The following GC variants were observed in gnomAD, a reference collection of about 807,000 sequenced individuals.
GC encodes the protein GC vitamin D binding protein.
A neutral mutation model predicts 56.7 loss-of-function variants in GC; 43 were observed. That is an observed-to-expected ratio of 0.76 (90% CI 0.59 to 0.98). The LOEUF is 0.98. Ranked by LOEUF, GC falls within the 50% of genes least tolerant of loss-of-function variation. GC has a pLI of 0.00. For missense variants in GC, 529 were observed against 545.9 expected (o/e 0.97, Z 0.31); for synonymous variants, 216 against 202.7 (o/e 1.07, Z -0.56).
In GC at chr4:71,763,917, T is replaced by G; in HGVS notation, c.493A>C (p.Thr165Pro). Residue 165 changes from threonine (T) to proline (P), a missense_variant, in exon 5 of 13, where the codon ACT becomes CCT. Physicochemically the swap from Thr to Pro is conservative, Grantham distance 38. Coordinates refer to ENST00000273951, the MANE Select transcript of GC (RefSeq NM_000583.4). The stretch of plus-strand genomic sequence containing the variant: ...GACAGAGGAGCTTGTCCGTAATTAG[T>G]GGAATATTCCCACATAAATCTGTGG... ...YANQFMWEYS[T>P]NYGQAPLSLL... is the part of the protein sequence containing the mutation. The G allele has an allele frequency of 6.2e-7, 1 of 1,611,420 alleles. No homozygotes were observed. Among genetic ancestry groups the G allele is most frequent in the East Asian group, 2.2e-5 (1 of 44,864 alleles).
Position 71,798,190 on chromosome 4 carries a change from G to A in GC, c.21+5736C>T, listed in dbSNP as rs150251593. Among the ~76,000 whole-genome samples, 516 of 152,264 alleles carry A rather than the reference G, an allele frequency of 3.4e-3. 1 individual carries two copies. The highest frequency in any genetic ancestry group is 0.012 in the African/African-American group (484 of 41,560). On this transcript the variant is annotated intron_variant, in intron 1 of 13. Coordinates refer to the GC transcript ENST00000504199. ...TTATAGTTCCTATTTTGCTGCTGAT[G>A]TTCCCTATCTATTCACTTGACTATA...
chr4:71,757,982 C>T, intron 7 of GC, 60 bp downstream of exon 7: 2 of 1,453,902 alleles, frequency 1.4e-6, no homozygotes, highest in Non-Finnish European at 1.9e-6. Flanking sequence ...GTACCTGCCA[C>T]TCAGTACTTG....
chr4:71,775,846 C>A (rs1424379654), intron 1 of GC, among the ~76,000 whole-genome samples: 1 of 151,864 alleles, frequency 6.6e-6, no homozygotes, highest in African/African-American at 2.4e-5. Context: ...TAGCAAAGAA[C>A]CCAAACAGAC....
At chr4:71,781,233 C>A (rs1417946576) in intron 1 of GC, among the ~76,000 whole-genome samples, 1 of 151,226 alleles carries the variant, frequency 6.6e-6, no homozygotes, top group Non-Finnish European at 1.5e-5. Context: ...TGGGGCCTGT[C>A]ATGGGGTGGG....
rs567267161 is a variant in GC at position 71,753,506 on chromosome 4, G to C, written c.1263-856C>G. Among the ~76,000 whole-genome samples the C allele has an allele frequency of 1.2e-4, 18 of 151,592 alleles. No homozygotes were observed. In the South Asian group the frequency reaches 1.3e-3, roughly 11 times the overall value. Reference sequence around the variant, plus strand: ...AGGCAAAAAAAAAAAAAGAAAGTTGGGGGGAGGAGGGAATAGGATCTGAGA... The same window carrying C: ...AGGCAAAAAAAAAAAAAGAAAGTTGCGGGGAGGAGGGAATAGGATCTGAGA... On this transcript the variant is annotated intron_variant, in intron 10 of 12. Coordinates refer to ENST00000273951, the MANE Select transcript of GC (RefSeq NM_000583.4).
At chr4:71,803,249 TCTGATTTG>T (rs1369628342) in intron 1 of GC, among the ~76,000 whole-genome samples, 45 of 152,192 alleles carry the variant, frequency 3.0e-4, no homozygotes, top group Non-Finnish European at 5.9e-4. Flanking sequence ...ATACCTGTAC[TCTGATTTG>T]GCTGAACATA....
intron 11 of GC, 94 bp from the exon 12 acceptor site, chr4:71,746,299 G>A (rs1741361315): frequency 3.3e-6 from 2 of 601,820 alleles, no homozygotes; most frequent in South Asian, 2.4e-5. Flanking sequence ...TTGAAACCTT[G>A]GTTAGGGGAG....
intron 6 of GC, among the ~76,000 whole-genome samples, chr4:71,759,057 A>G (rs536942714): frequency 1.7e-4 from 26 of 152,278 alleles, no homozygotes; most frequent in African/African-American, 5.8e-4. Flanking sequence ...TCAGACTGGC[A>G]TATTTCACTT....
chr4:71,767,678 T>A lies in GC; in HGVS notation c.261+623A>T, dbSNP rs185058705. Among the ~76,000 whole-genome samples, 371 of 150,046 alleles carry A rather than the reference T, an allele frequency of 2.5e-3. 1 individual carries two copies. The highest frequency in any genetic ancestry group is 8.2e-3 in the African/African-American group (337 of 41,152). ...ATACATATATATTTAATTTCAATAG[T>A]TTTGGGGGAACAAAACTATTTTGTT... On this transcript the variant is annotated intron_variant, in intron 3 of 12. Transcript: ENST00000273951.
intron 1 of GC, among the ~76,000 whole-genome samples, chr4:71,783,730 A>G (rs1438278849): frequency 6.6e-6 from 1 of 151,726 alleles, no homozygotes; most frequent in Non-Finnish European, 1.5e-5. Context: ...AAATTATATC[A>G]TTCCATTTAC....
chr4:71,765,716 ATATCT>A (rs1361574351), intron 3 of GC, 73 bp from the exon 4 acceptor site: 1 of 897,026 alleles, frequency 1.1e-6, no homozygotes, highest in Non-Finnish European at 1.8e-6. Context: ...ATTTAATATA[ATATCT>A]TAGCCTATAA....
At chr4:71,778,229 A>G (rs1343034354) in intron 1 of GC, among the ~76,000 whole-genome samples, 1 of 151,998 alleles carries the variant, frequency 6.6e-6, no homozygotes, top group Non-Finnish European at 1.5e-5. Context: ...ATGTAAACAT[A>G]TTTAAACAAT....
intron 1 of GC, among the ~76,000 whole-genome samples, chr4:71,783,087 C>T (rs1450786249): frequency 6.6e-6 from 1 of 151,752 alleles, no homozygotes; most frequent in Non-Finnish European, 1.5e-5. Context: ...TTCTTGGGAA[C>T]ACACATTTTA....
chr4:71,779,897 A>T (rs1478725645), intron 1 of GC, among the ~76,000 whole-genome samples: 1 of 151,826 alleles, frequency 6.6e-6, no homozygotes, highest in Non-Finnish European at 1.5e-5. Context: ...TAGCTCACCC[A>T]CCAACCCAAA....
At position 71,802,599 on chromosome 4, in the gene GC, C is replaced by T. The variant is rs544380308; in HGVS notation, c.21+1327G>A. Among the ~76,000 whole-genome samples the T allele has an allele frequency of 3.3e-5, 5 of 152,306 alleles. No individual in the cohort carries two copies. In the South Asian group the frequency reaches 8.3e-4, roughly 25 times the overall value. On this transcript the variant is annotated intron_variant, in intron 1 of 13. Transcript: ENST00000504199. ...CATTTAATACTGTGATAAGCCCATC[C>T]TAAAGTTGAAAAGTCATTAAGTTGA... is the stretch of plus-strand genomic sequence containing the variant.
chr4:71,796,523 A>G lies in GC; in HGVS notation c.21+7403T>C, dbSNP rs988643192. On this transcript the variant is annotated intron_variant, in intron 1 of 13. Transcript: ENST00000504199. ...GGTTTTCAGCTCCATCAGGTCATTT[A>G]TGGTCTTCTTTACACTGTTTATTCT... Among the ~76,000 whole-genome samples the G allele has an allele frequency of 5.3e-5, 8 of 152,152 alleles. No individual in the cohort carries two copies. The East Asian group carries it at 1.5e-3, about 29-fold the overall frequency.
Position 71,777,847 on chromosome 4 carries a change from G to A in GC, c.58+6114C>T, listed in dbSNP as rs141450859. 1.0e-2 allele frequency among the ~76,000 whole-genome samples: 1,507 copies of A among 151,348 alleles called. 24 individuals are homozygous for A. The highest frequency in any genetic ancestry group is 0.035 in the African/African-American group (1,461 of 41,258). The stretch of plus-strand genomic sequence containing the variant: ...TGGGAGTCGAACAGTGAGAACACAT[G>A]GACACAGGGAGGGGAACATCACACA... On this transcript the variant is annotated intron_variant, in intron 1 of 12. Coordinates refer to ENST00000273951, the MANE Select transcript of GC (RefSeq NM_000583.4).
intron 12 of GC, 80 bp downstream of exon 12, chr4:71,746,071 T>C (rs1741352549): frequency 7.1e-6 from 5 of 701,456 alleles, no homozygotes; most frequent in Non-Finnish European, 1.3e-5. Context: ...TTTATTAAAG[T>C]CTCCTTCCCA....
At chr4:71,751,011 G>A (rs1741539680) in intron 11 of GC, among the ~76,000 whole-genome samples, 1 of 152,134 alleles carries the variant, frequency 6.6e-6, no homozygotes. Flanking sequence ...CTATATTTCA[G>A]AAATAGAGTG....
Sources: allele counts gnomAD v4.1 joint callset (sites outside exome capture counted in the v4.1 genomes callset), GRCh38; gene constraint gnomAD v4.1.1; transcripts MANE v1.5; gene names NCBI Gene and HGNC (gene_info 2026-07-23, HGNC 2026-07-21).